The following COL21A1 variants were observed in gnomAD, a reference collection of about 807,000 sequenced individuals.
The protein encoded by COL21A1 is collagen alpha-1(XXI) chain.
COL21A1 carries 149 observed loss-of-function variants against 137.9 expected under a neutral mutation model. The ratio of observed to expected loss-of-function variants is 1.08; its 90% CI spans 0.95 to 1.24. The LOEUF (loss-of-function observed/expected upper bound fraction) is 1.24. COL21A1 is among the 50% of genes most tolerant of loss of function. The pLI, the probability that COL21A1 is intolerant of heterozygous loss-of-function variation, is 0.00. For missense variants in COL21A1, 1,167 were observed against 1,158.4 expected, an observed-to-expected ratio of 1.01 and a Z score of -0.11; for synonymous variants, 456 against 391.5, an observed-to-expected ratio of 1.16 and a Z score of -1.95.
intron 12 of COL21A1, among the ~76,000 whole-genome samples, chr6:56,135,443 A>T (rs1319637981): frequency 6.6e-6 from 1 of 152,110 alleles, no homozygotes; most frequent in Non-Finnish European, 1.5e-5. Flanking sequence ...TGAAAATTAG[A>T]ATTAAAAAAA....
chr6:56,306,003 T>G (rs1388508480), intron 1 of COL21A1, among the ~76,000 whole-genome samples: 15 of 118,568 alleles, frequency 1.3e-4, no homozygotes, highest in African/African-American at 1.7e-4. Context: ...AAGCTTAGTT[T>G]GGCTGGATAT....
chr6:56,185,724 C>T (rs1778242042), intron 1 of COL21A1, among the ~76,000 whole-genome samples: 1 of 151,912 alleles, frequency 6.6e-6, no homozygotes, highest in Non-Finnish European at 1.5e-5. Flanking sequence ...CGTGAGCCAC[C>T]GCGCCCGGCC....
At chr6:56,290,498 G>GTTTTTTTTTTTTTTTT (rs371058894) in intron 1 of COL21A1, among the ~76,000 whole-genome samples, 1 of 132,958 alleles carries the variant, frequency 7.5e-6, no homozygotes, top group Non-Finnish European at 1.6e-5. Flanking sequence ...TCACTTAGGA[G>GTTTTTTTTTTTTTTTT]ATTTTTTTTT....
intron 16 of COL21A1, among the ~76,000 whole-genome samples, chr6:56,108,451 G>A (rs562254577): frequency 6.6e-6 from 1 of 151,876 alleles, no homozygotes; most frequent in East Asian, 1.9e-4. Flanking sequence ...AAAAGAAAAC[G>A]TGTAATCCTG....
chr6:56,216,227 C>G lies in COL21A1; in HGVS notation c.-39+31160G>C, dbSNP rs76120431. Among the ~76,000 whole-genome samples, 195 of 152,152 alleles carry G rather than the reference C, an allele frequency of 1.3e-3. 1 individual carries two copies. In the East Asian group the frequency reaches 0.03, roughly 23 times the overall value. On this transcript the variant is annotated intron_variant, in intron 1 of 29. Coordinates refer to ENST00000244728, the MANE Select transcript of COL21A1 (RefSeq NM_030820.4). ...CTATATTGTCCACTGCGATATGGGA[C>G]CTATTGCTGCATTAGTGGCCGTGTT...
At chr6:56,368,503 A>C (rs1766151998) in intron 1 of COL21A1, among the ~76,000 whole-genome samples, 1 of 152,244 alleles carries the variant, frequency 6.6e-6, no homozygotes. Flanking sequence ...GTTAGAAGAA[A>C]ATCTCGGTTA....
intron 1 of COL21A1, among the ~76,000 whole-genome samples, chr6:56,306,516 A>T (rs893405794): frequency 1.3e-5 from 2 of 152,076 alleles, no homozygotes; most frequent in Non-Finnish European, 2.9e-5. Flanking sequence ...CTTCCAGTTG[A>T]TCGAATTGGC....
At chr6:56,285,060 T>C (rs898793365) in intron 1 of COL21A1, among the ~76,000 whole-genome samples, 1 of 152,218 alleles carries the variant, frequency 6.6e-6, no homozygotes, top group African/African-American at 2.4e-5. Flanking sequence ...TTTTGGTGTT[T>C]ATGTCCCCAA....
At chr6:56,250,659 C>T (rs1782834443), upstream of COL21A1, among the ~76,000 whole-genome samples, 1 of 152,182 alleles carries the variant, frequency 6.6e-6, no homozygotes, top group Non-Finnish European at 1.5e-5. Flanking sequence ...CATCACCATA[C>T]TCAGACTTCT....
At position 56,255,128 on chromosome 6, in the gene COL21A1, T is replaced by C. The variant is rs1172208430; in HGVS notation, c.-38-72472A>G. On this transcript the variant is annotated intron_variant, in intron 1 of 28. Coordinates refer to the COL21A1 transcript ENST00000370819. ...TTAGGATGATGGATGAAATGATGTC[T>C]ATGGCTCTTTCCAGCTCTAATTGCT... Among the ~76,000 whole-genome samples, 4 of 152,338 alleles carry C rather than the reference T, an allele frequency of 2.6e-5. 1 individual carries two copies. The South Asian group carries it at 6.2e-4, about 24-fold the overall frequency.
intron 1 of COL21A1, among the ~76,000 whole-genome samples, chr6:56,310,033 G>C (rs1764571172): frequency 6.6e-6 from 1 of 152,104 alleles, no homozygotes; most frequent in South Asian, 2.1e-4. Context: ...TTTGTACCCA[G>C]GCTTTAAAAG....
intron 1 of COL21A1, chr6:56,276,472 C>CT (rs1276904013): frequency 4.2e-6 from 3 of 719,040 alleles, no homozygotes; most frequent in Non-Finnish European, 6.8e-6. Context: ...AAAATACATA[C>CT]TTTTTTCAGA....
rs1478229212 is a variant in COL21A1, at chr6:56,129,697, T to TGA, written c.1543-3549_1543-3548insTC. 2.8e-3 allele frequency among the ~76,000 whole-genome samples: 185 copies of TGA among 64,984 alleles called. 1 individual carries two copies. Among genetic ancestry groups the TGA allele is most frequent in the African/African-American group, 8.2e-3 (165 of 20,116 alleles). 42.6% of individuals were successfully genotyped at this position (64,984 alleles called of 152,430 possible). ...GTGCGTGTGTGTGTGTGTGTGTGTG[T>TGA]GTGAGAGAGAGAGAGAGAGAGAGAG... On this transcript the variant is annotated intron_variant, in intron 12 of 29. Coordinates refer to ENST00000244728, the MANE Select transcript of COL21A1 (RefSeq NM_030820.4).
chr6:56,183,777 TA>T (rs1194334801), intron 1 of COL21A1, among the ~76,000 whole-genome samples: 1 of 152,094 alleles, frequency 6.6e-6, no homozygotes, highest in African/African-American at 2.4e-5. Flanking sequence ...ATGGCAGTGA[TA>T]AATACATTAA....
At chr6:56,064,892 T>A (rs932634860) in intron 23 of COL21A1, among the ~76,000 whole-genome samples, 1 of 152,096 alleles carries the variant, frequency 6.6e-6, no homozygotes, top group African/African-American at 2.4e-5. Flanking sequence ...ACAATGAGGA[T>A]GTTCTTCTAA....
chr6:56,251,964 C>G (rs1261501656), upstream of COL21A1, among the ~76,000 whole-genome samples: 1 of 152,194 alleles, frequency 6.6e-6, no homozygotes, highest in Non-Finnish European at 1.5e-5. Flanking sequence ...CACTAACTTC[C>G]TCAGGAGACA....
intron 1 of COL21A1, among the ~76,000 whole-genome samples, chr6:56,274,066 G>A (rs752843273): frequency 3.3e-5 from 5 of 152,186 alleles, no homozygotes; most frequent in Admixed American, 1.3e-4. Context: ...GGGATGCAAG[G>A]CTGATTGATA....
At chr6:56,309,405 G>A (rs1764552013) in intron 1 of COL21A1, among the ~76,000 whole-genome samples, 1 of 152,112 alleles carries the variant, frequency 6.6e-6, no homozygotes, top group African/African-American at 2.4e-5. Flanking sequence ...ACTCTGAGAT[G>A]GCACTTCTCG....
intron 10 of COL21A1, among the ~76,000 whole-genome samples, chr6:56,144,225 T>C (rs1925177): frequency 0.77 from 116,600 of 152,112 alleles, 45,563 homozygotes; most frequent in African/African-American, 0.91. Flanking sequence ...GATGAGGAAA[T>C]TAAGGCACAG....
Sources: allele counts gnomAD v4.1 joint callset (sites outside exome capture counted in the v4.1 genomes callset), GRCh38; gene constraint gnomAD v4.1.1; transcripts MANE v1.5; gene names NCBI Gene and HGNC (gene_info 2026-07-23, HGNC 2026-07-21).